The following LUZP1 variants were observed in gnomAD, a reference collection of about 807,000 sequenced individuals.
The protein encoded by LUZP1 is leucine zipper protein 1.
A neutral mutation model predicts 71.3 loss-of-function variants in LUZP1; 25 were observed. The ratio of observed to expected loss-of-function variants is 0.35; its 90% CI spans 0.26 to 0.49. The LOEUF is 0.49. Ranked by LOEUF, LUZP1 falls within the 20% of genes least tolerant of loss-of-function variation. LUZP1 has a pLI of 0.99. For synonymous variants in LUZP1, 481 were observed against 506.4 expected (o/e 0.95, Z 0.67); for missense variants, 1,142 against 1,300.8 (o/e 0.88, Z 1.88).
At chr1:23,092,827 G>A in exon 4 of LUZP1, 1 of 1,613,854 alleles carries the variant, frequency 6.2e-7, no homozygotes, top group Non-Finnish European at 8.5e-7. Flanking sequence ...TGAGCAGCCG[G>A]GGGGTAGCGA....
chr1:23,104,229 G>C (rs1026569207), intron 3 of LUZP1, among the ~76,000 whole-genome samples: 1 of 151,330 alleles, frequency 6.6e-6, no homozygotes, highest in Non-Finnish European at 1.5e-5. Context: ...GTCCAGGTTG[G>C]AGTGAAGAGG....
In LUZP1 at chr1:23,168,756, G is replaced by A. The variant is rs977062758; in HGVS notation, c.-226+10C>T. 6.5e-6 allele frequency: 1 copy of A among 152,996 alleles called. No individual in the cohort carries two copies. The highest frequency in any genetic ancestry group is 2.4e-5 in the African/African-American group (1 of 41,300). 9.5% of individuals were successfully genotyped at this position (152,996 alleles called of 1,614,324 possible). A position where few individuals can be genotyped will look rare whatever the true frequency, so the allele number is the denominator to read the frequency against. ...CGCGCTCCCGCCGCCGCCGCCTCAC[G>A]GACCCTCACCTCTGCGGCCCCGAAC... On this transcript the variant is annotated intron_variant, in intron 2 of 4. Coordinates refer to ENST00000302291, the Ensembl canonical transcript of LUZP1.
At chr1:23,100,959 T>C (rs2124617824) in intron 3 of LUZP1, among the ~76,000 whole-genome samples, 1 of 152,362 alleles carries the variant, frequency 6.6e-6, no homozygotes, top group South Asian at 2.1e-4. Context: ...TTCAGTCTCC[T>C]GACTCTATGT....
intron 2 of LUZP1, among the ~76,000 whole-genome samples, chr1:23,138,328 A>G (rs948641742): frequency 6.6e-6 from 1 of 152,186 alleles, no homozygotes; most frequent in Non-Finnish European, 1.5e-5. Flanking sequence ...AATAAAACAA[A>G]GTACTGATAG....
chr1:23,118,670 T>C (rs1644105852), intron 2 of LUZP1, among the ~76,000 whole-genome samples: 1 of 152,210 alleles, frequency 6.6e-6, no homozygotes, highest in African/African-American at 2.4e-5. Context: ...AGGTTTTACT[T>C]TAAAAAGGCC....
At chr1:23,128,961 A>G (rs77162488) in intron 2 of LUZP1, among the ~76,000 whole-genome samples, 4,111 of 152,362 alleles carry the variant, frequency 0.027, 81 homozygotes, top group Middle Eastern at 0.095. Flanking sequence ...AAGCCTATAT[A>G]TTGATTAGTC....
At chr1:23,090,965 G>A in intron 4 of LUZP1, 1 of 718,928 alleles carries the variant, frequency 1.4e-6, no homozygotes, top group South Asian at 1.5e-5. Context: ...AGAGCAAAAT[G>A]AAGACAACAA....
intron 2 of LUZP1, among the ~76,000 whole-genome samples, chr1:23,117,047 T>C (rs1282616266): frequency 6.6e-6 from 1 of 152,224 alleles, no homozygotes; most frequent in Non-Finnish European, 1.5e-5. Context: ...GCTATTTTAA[T>C]TTGAAGGCAT....
At chr1:23,126,828 A>G (rs1644175876) in intron 2 of LUZP1, among the ~76,000 whole-genome samples, 1 of 152,210 alleles carries the variant, frequency 6.6e-6, no homozygotes, top group African/African-American at 2.4e-5. Flanking sequence ...CCTGACTTTC[A>G]CTACTCTATG....
intron 1 of LUZP1, among the ~76,000 whole-genome samples, chr1:23,172,304 T>A (rs1644556945): frequency 6.6e-6 from 1 of 152,150 alleles, no homozygotes; most frequent in Admixed American, 6.6e-5. Context: ...TGTAGTAGGA[T>A]CCTGTAGTTA....
At chr1:23,110,452 C>G (rs1207604434) in intron 2 of LUZP1, among the ~76,000 whole-genome samples, 1 of 152,124 alleles carries the variant, frequency 6.6e-6, no homozygotes, top group Admixed American at 6.5e-5. Context: ...AGCTTTTGTA[C>G]ATGATCTTAC....
rs372659813 is a variant in LUZP1, at chr1:23,092,010, C to T, written c.2252G>A (p.Arg751Gln). 1.2e-5 allele frequency: 20 copies of T among 1,613,978 alleles called. No homozygotes were observed. Among genetic ancestry groups the T allele is most frequent in the East Asian group, 4.5e-5 (2 of 44,886 alleles). The stretch of plus-strand genomic sequence containing the variant: ...AACAGGTTTGATGATGGCTCTAGAC[C>T]GCAACGCCTCTCTGGGGCTAAAGGG... The change falls in exon 4 of 5, where the codon CGG becomes CAG. Residue 751 changes from arginine to glutamine, a missense_variant. By Grantham distance (43) the Arg-to-Gln change is conservative. Coordinates refer to ENST00000302291, the Ensembl canonical transcript of LUZP1.
intron 2 of LUZP1, among the ~76,000 whole-genome samples, chr1:23,135,112 CTTTG>C (rs1644243793): frequency 6.6e-6 from 1 of 152,162 alleles, no homozygotes; most frequent in Admixed American, 6.5e-5. Context: ...ATCCACAATT[CTTTG>C]TTTGGGGCTA....
intron 2 of LUZP1, among the ~76,000 whole-genome samples, chr1:23,127,467 C>T (rs892154208): frequency 6.6e-6 from 1 of 152,152 alleles, no homozygotes; most frequent in African/African-American, 2.4e-5. Flanking sequence ...TTAATTCAAA[C>T]TCAAGGATCT....
At chr1:23,137,086 T>C (rs1644260629) in intron 2 of LUZP1, among the ~76,000 whole-genome samples, 1 of 152,180 alleles carries the variant, frequency 6.6e-6, no homozygotes, top group African/African-American at 2.4e-5. Flanking sequence ...ATCATCTTTA[T>C]ACATGGCATG....
At position 23,093,085 on chromosome 1, in the gene LUZP1, G is replaced by T. The variant is rs1370898687; in HGVS notation, c.1177C>A (p.Leu393Met). The change falls in exon 4 of 5, where the codon CTG becomes ATG. Residue 393 changes from leucine to methionine, a missense_variant. Transcript: ENST00000302291. This position sits in a 1 kb window ranked among gnomAD's most constrained non-coding sequence, Gnocchi z 4.2. Reference sequence around the variant, plus strand: ...CGTTCCCGCTTATGCTGAGGAGACAGTTCCCGCGCTGTGTGCTTGGACACA... The same window carrying T: ...CGTTCCCGCTTATGCTGAGGAGACATTTCCCGCGCTGTGTGCTTGGACACA... The T allele has an allele frequency of 6.2e-7, 1 of 1,614,112 alleles. No individual in the cohort carries two copies. Among genetic ancestry groups the T allele is most frequent in the Non-Finnish European group, 8.5e-7 (1 of 1,180,006 alleles).
chr1:23,103,831 AGAGGGAGAGAGGGAGGGAGGGAGG>A (rs1557641028), intron 3 of LUZP1, among the ~76,000 whole-genome samples: 9 of 58,254 alleles, frequency 1.5e-4, no homozygotes, highest in Non-Finnish European at 2.5e-4. Flanking sequence ...AGGGAGGAAG[AGAGGGAGAGAGGGAGGGAGGGAGG>A]GAGGGAGGGA....
At chr1:23,167,133 G>A (rs1644516211) in intron 2 of LUZP1, among the ~76,000 whole-genome samples, 1 of 152,102 alleles carries the variant, frequency 6.6e-6, no homozygotes, top group Non-Finnish European at 1.5e-5. Context: ...TTAACCACAT[G>A]AATACTACCA....
At chr1:23,144,548 A>G (rs1367771709) in intron 2 of LUZP1, among the ~76,000 whole-genome samples, 1 of 152,172 alleles carries the variant, frequency 6.6e-6, no homozygotes, top group East Asian at 1.9e-4. Context: ...CTTTTTTCAC[A>G]TAAAAAGGTA....
Sources: gnomAD v4.1 joint callset for allele counts (sites outside exome capture counted in the v4.1 genomes callset) on GRCh38, gnomAD v4.1.1 for gene constraint, Gnocchi (gnomAD v3.1) non-coding constraint, MANE v1.5 for transcripts, NCBI Gene and HGNC (gene_info 2026-07-23, HGNC 2026-07-21) for gene names.